Variants in JHY observed in about 807,000 individuals in gnomAD.
JHY encodes the protein junctional cadherin complex regulator.
A neutral mutation model predicts 78.0 loss-of-function variants in JHY; 69 were observed. That is an observed-to-expected ratio of 0.88 (90% CI 0.73 to 1.08). The LOEUF (loss-of-function observed/expected upper bound fraction) is 1.08. Among genes scored for constraint, JHY ranks in the 50% least tolerant of loss-of-function variants. The probability of loss-of-function intolerance (pLI) is 0.00; values close to 1 mark genes in which losing one functional copy is unlikely to be tolerated. For missense variants in JHY, 944 were observed against 927.8 expected (o/e 1.02, Z -0.23); for synonymous variants, 368 against 342.6 (o/e 1.07, Z -0.82).
rs570273883 is a variant in JHY at position 122,911,533 on chromosome 11, C to T, written c.864+7089C>T. On this transcript the variant is annotated intron_variant, in intron 3 of 8. Transcript: ENST00000227349. ...TGAAGGAGTTTACATTCCAGTCATACGGCAAAGATAAGAACCATGTAACAA... is the reference window on the plus strand; with the variant it reads ...TGAAGGAGTTTACATTCCAGTCATATGGCAAAGATAAGAACCATGTAACAA... 2.6e-5 allele frequency among the ~76,000 whole-genome samples: 4 copies of T among 152,228 alleles called. No individual in the cohort carries two copies. In the Middle Eastern group the frequency reaches 0.01, roughly 388 times the overall value.
chr11:122,961,065 A>T lies in JHY; in HGVS notation c.*1620A>T. 1 of 1,046,680 alleles carries T rather than the reference A, an allele frequency of 9.6e-7. No individual in the cohort carries two copies. The highest frequency in any genetic ancestry group is 1.5e-6 in the Non-Finnish European group (1 of 679,018). 64.8% of individuals were successfully genotyped at this position (1,046,680 alleles called of 1,614,324 possible). On this transcript the variant is annotated 3_prime_UTR_variant, in exon 9 of 9. Transcript: ENST00000227349. The stretch of plus-strand genomic sequence containing the variant: ...GGACCTAAAGCTGTTGGCAAAGAAG[A>T]CTCATGCACAGCCAGTTATGTAAAT...
At chr11:122,919,159 C>G in intron 3 of JHY, among the ~76,000 whole-genome samples, 1 of 151,736 alleles carries the variant, frequency 6.6e-6, no homozygotes, top group Admixed American at 6.6e-5. Flanking sequence ...CGGGACCAGC[C>G]TGGCTAACAG....
intron 3 of JHY, among the ~76,000 whole-genome samples, chr11:122,913,247 G>A (rs538851236): frequency 6.6e-6 from 1 of 152,250 alleles, no homozygotes; most frequent in Admixed American, 6.5e-5. Context: ...AATCTTGTAT[G>A]CAACTAGTTG....
intron 4 of JHY, among the ~76,000 whole-genome samples, chr11:122,929,534 AG>A: frequency 1.3e-5 from 2 of 152,098 alleles, no homozygotes; most frequent in Non-Finnish European, 2.9e-5. Context: ...AAGTTGACAT[AG>A]TTGGTAAGGG....
intron 6 of JHY, 28 bp downstream of exon 6, chr11:122,946,820 A>G (rs775749056): frequency 5.7e-6 from 9 of 1,580,048 alleles, no homozygotes; most frequent in Non-Finnish European, 7.7e-6. Flanking sequence ...TTTACCAAGT[A>G]ACTCTTCCAT....
At chr11:122,942,080 T>C (rs1863885313) in intron 5 of JHY, among the ~76,000 whole-genome samples, 2 of 151,986 alleles carry the variant, frequency 1.3e-5, no homozygotes, top group Admixed American at 1.3e-4. Context: ...CCATGTTGGT[T>C]AGGCTGGTCT....
At chr11:122,903,719 C>T (rs1377625183) in intron 2 of JHY, among the ~76,000 whole-genome samples, 4 of 152,080 alleles carry the variant, frequency 2.6e-5, no homozygotes, top group Non-Finnish European at 5.9e-5. Context: ...TTGCTTCAAG[C>T]GATCCTCCTG....
chr11:122,897,008 C>T (rs1298304312), intron 2 of JHY, among the ~76,000 whole-genome samples: 6 of 151,950 alleles, frequency 3.9e-5, no homozygotes, highest in Non-Finnish European at 7.4e-5. Flanking sequence ...AGGCACGTGC[C>T]GCCATGCCCG....
Position 122,924,891 on chromosome 11 carries a change from A to G in JHY, c.865-6A>G. On this transcript the variant is annotated splice_polypyrimidine_tract_variant and splice_region_variant and intron_variant, in intron 3 of 8. Transcript: ENST00000227349. ...TTAACATGCTGTATGTGTTTTACCT[A>G]CCTAGATCTCCTACCCCGTCAGAGT... is the stretch of plus-strand genomic sequence containing the variant. 1 of 1,605,586 alleles carries G rather than the reference A, an allele frequency of 6.2e-7. No homozygotes were observed. Among genetic ancestry groups the G allele is most frequent in the South Asian group, 1.1e-5 (1 of 90,878 alleles).
intron 5 of JHY, among the ~76,000 whole-genome samples, chr11:122,940,861 C>A (rs113541680): frequency 2.0e-4 from 31 of 151,976 alleles, no homozygotes; most frequent in African/African-American, 5.5e-4. Flanking sequence ...ATCTCTCTCT[C>A]TCTCTCTCCC....
chr11:122,907,294 C>T (rs1863012385), intron 3 of JHY, among the ~76,000 whole-genome samples: 1 of 151,254 alleles, frequency 6.6e-6, no homozygotes, highest in Admixed American at 6.6e-5. Flanking sequence ...GTGTGTGTGT[C>T]TCTCCTCCCG....
At chr11:122,939,965 T>A (rs1863838213) in intron 5 of JHY, among the ~76,000 whole-genome samples, 1 of 32,560 alleles carries the variant, frequency 3.1e-5, no homozygotes, top group Non-Finnish European at 6.6e-5. Flanking sequence ...TTTTACAGCT[T>A]TTTTTTTTTT....
intron 4 of JHY, among the ~76,000 whole-genome samples, chr11:122,930,064 A>G (rs1365303209): frequency 6.6e-6 from 1 of 152,128 alleles, no homozygotes; most frequent in Non-Finnish European, 1.5e-5. Context: ...CTGTGAACTG[A>G]GAAAGAGATA....
In JHY at chr11:122,962,839, C is replaced by G. The variant is rs1864342137; in HGVS notation, c.*3394C>G. Among the ~76,000 whole-genome samples the G allele has an allele frequency of 6.6e-6, 1 of 152,108 alleles. No homozygotes were observed. Among genetic ancestry groups the G allele is most frequent in the Non-Finnish European group, 1.5e-5 (1 of 67,998 alleles). ...TTACATGACTCGGAAGTCCATCAGT[C>G]CTACTGAGAGTAATGGGAGGGGAGC... On this transcript the variant is annotated 3_prime_UTR_variant, in exon 9 of 9. Transcript: ENST00000227349.
intron 6 of JHY, among the ~76,000 whole-genome samples, chr11:122,954,657 C>T (rs2135381918): frequency 6.6e-6 from 1 of 152,308 alleles, no homozygotes; most frequent in East Asian, 1.9e-4. Flanking sequence ...GTGACTCAGA[C>T]CTGTAATCCC....
intron 4 of JHY, among the ~76,000 whole-genome samples, chr11:122,932,751 A>G (rs1163181561): frequency 6.6e-6 from 1 of 152,202 alleles, no homozygotes; most frequent in African/African-American, 2.4e-5. Context: ...TTCTGGATCC[A>G]TTACAAGAAA....
At chr11:122,922,287 A>G (rs1863383444) in intron 3 of JHY, among the ~76,000 whole-genome samples, 1 of 152,212 alleles carries the variant, frequency 6.6e-6, no homozygotes, top group Admixed American at 6.5e-5. Flanking sequence ...CTCTCTATAT[A>G]TAAGTACAGT....
chr11:122,908,980 C>T (rs1205260768), intron 3 of JHY, among the ~76,000 whole-genome samples: 2 of 152,188 alleles, frequency 1.3e-5, no homozygotes, highest in Non-Finnish European at 2.9e-5. Context: ...GACTGTTCCT[C>T]TCATTACTCT....
rs933905016 is a variant in JHY at position 122,903,973 on chromosome 11, C to A, written c.393C>A (p.Asn131Lys). The change falls in exon 3 of 9, where the codon AAC becomes AAA. Residue 131 changes from asparagine to lysine, a missense_variant. Asn to Lys is a moderately conservative substitution (Grantham distance 94). Transcript: ENST00000227349. ...ATTCAGACCTCCGCTATGACCCGAA[C>A]TGGAAGAGTAAGAAGGAGGAAGGGC... ...DKYSDLRYDP[N>K]WKSKKEEGQL... The A allele has an allele frequency of 8.7e-6, 14 of 1,612,734 alleles. No homozygotes were observed. Among genetic ancestry groups the A allele is most frequent in the Admixed American group, 1.7e-5 (1 of 59,952 alleles).
Sources: gnomAD v4.1 joint callset for allele counts (sites outside exome capture counted in the v4.1 genomes callset) on GRCh38, gnomAD v4.1.1 for gene constraint, MANE v1.5 for transcripts, NCBI Gene and HGNC (gene_info 2026-07-23, HGNC 2026-07-21) for gene names.